RTCB: variants seen among roughly 807,000 people sequenced by gnomAD.
The protein encoded by RTCB is RNA 2',3'-cyclic phosphate and 5'-OH ligase.
A neutral mutation model predicts 58.2 loss-of-function variants in RTCB; 32 were observed. The observed-to-expected ratio is 0.55, with a 90% confidence interval of 0.41 to 0.74. The LOEUF (loss-of-function observed/expected upper bound fraction) is 0.74. Ranked by LOEUF, RTCB falls within the 30% of genes least tolerant of loss-of-function variation. The pLI, the probability that RTCB is intolerant of heterozygous loss-of-function variation, is 0.00. For missense variants in RTCB, 523 were observed against 639.0 expected, an observed-to-expected ratio of 0.82 and a Z score of 1.96; for synonymous variants, 247 against 218.6, an observed-to-expected ratio of 1.13 and a Z score of -1.15.
chr22:32,394,180 C>T (rs577789583), intron 9 of RTCB, among the ~76,000 whole-genome samples, 178 bp from the exon 10 acceptor site: 3 of 149,474 alleles, frequency 2.0e-5, no homozygotes, highest in Admixed American at 6.7e-5. Flanking sequence ...GGCGGGATCT[C>T]GGCTCACTGC....
chr22:32,400,733 A>G (rs1254757696), intron 5 of RTCB, among the ~76,000 whole-genome samples: 2 of 152,242 alleles, frequency 1.3e-5, no homozygotes, highest in African/African-American at 4.8e-5. Context: ...TAACATTACA[A>G]GTAACAGCTA....
chr22:32,390,453 CTT>C (rs1303865991), intron 11 of RTCB, among the ~76,000 whole-genome samples: 12 of 145,316 alleles, frequency 8.3e-5, no homozygotes, highest in Non-Finnish European at 7.6e-5. Context: ...TTTCCAAATC[CTT>C]TTTTTTTTTT....
At chr22:32,393,825 C>G in intron 10 of RTCB, 67 bp downstream of exon 10, 1 of 1,077,450 alleles carries the variant, frequency 9.3e-7, no homozygotes, top group Non-Finnish European at 1.4e-6. Flanking sequence ...CTACATTTAC[C>G]AGTCAAAATG....
At chr22:32,397,891 T>C (rs1933272201) in intron 7 of RTCB, 50 bp downstream of exon 7, 2 of 1,550,736 alleles carry the variant, frequency 1.3e-6, no homozygotes, top group Non-Finnish European at 1.7e-6. Context: ...CTTAAATTTC[T>C]ATCTGGTTGC....
intron 1 of RTCB, among the ~76,000 whole-genome samples, chr22:32,410,806 C>G (rs1933507838): frequency 1.3e-5 from 2 of 151,322 alleles, no homozygotes; most frequent in African/African-American, 4.9e-5. Context: ...GCCAAGATCT[C>G]CCAGGCTCAA....
intron 8 of RTCB, among the ~76,000 whole-genome samples, chr22:32,395,820 G>A (rs542010286): frequency 2.6e-5 from 4 of 152,030 alleles, no homozygotes; most frequent in Admixed American, 2.0e-4. Context: ...TCAGCCTCCC[G>A]AGTAGCTGGG....
intron 5 of RTCB, among the ~76,000 whole-genome samples, chr22:32,401,086 C>T (rs1021512601): frequency 5.6e-5 from 8 of 143,710 alleles, no homozygotes; most frequent in Non-Finnish European, 9.0e-5. Context: ...ATATCACCTA[C>T]TAAGTTTTTT....
Position 32,412,188 on chromosome 22 carries a change from T to C in RTCB, c.-32A>G. On this transcript the variant is annotated 5_prime_UTR_variant, in exon 1 of 12. Coordinates refer to ENST00000216038, the MANE Select transcript of RTCB (RefSeq NM_014306.5). ...GAAAACTGTAGCAAAAACTCCCGGC[T>C]CCGCTTTGAAGAGCCGCTGCCGCGT... The C allele has an allele frequency of 1.3e-6, 2 of 1,551,222 alleles. No homozygotes were observed. Among genetic ancestry groups the C allele is most frequent in the Non-Finnish European group, 1.7e-6 (2 of 1,143,130 alleles).
chr22:32,388,208 G>GTT, intron 11 of RTCB, 109 bp from the exon 12 acceptor site: 2 of 605,794 alleles, frequency 3.3e-6, no homozygotes, highest in East Asian at 3.1e-5. Context: ...AATACAGAGA[G>GTT]TTTTTTTTTG....
At chr22:32,400,236 G>C (rs1196040409) in intron 5 of RTCB, among the ~76,000 whole-genome samples, 1 of 152,106 alleles carries the variant, frequency 6.6e-6, no homozygotes, top group Non-Finnish European at 1.5e-5. Context: ...AATTCCTCAG[G>C]CAACACAGGT....
chr22:32,397,060 T>C (rs1933257293), intron 7 of RTCB, among the ~76,000 whole-genome samples: 1 of 152,180 alleles, frequency 6.6e-6, no homozygotes, highest in Admixed American at 6.5e-5. Flanking sequence ...AGCTGACCAA[T>C]AGTTACCTCC....
At chr22:32,391,637 C>T (rs928717524) in intron 11 of RTCB, among the ~76,000 whole-genome samples, 6 of 152,014 alleles carry the variant, frequency 3.9e-5, no homozygotes, top group African/African-American at 1.5e-4. Flanking sequence ...GTGATCTGCC[C>T]ACCTCGGCCT....
intron 1 of RTCB, among the ~76,000 whole-genome samples, chr22:32,409,161 A>G (rs1933478067): frequency 6.6e-6 from 1 of 151,796 alleles, no homozygotes; most frequent in African/African-American, 2.4e-5. Flanking sequence ...CAAAGGTCTT[A>G]ATCCTCAAGC....
At chr22:32,404,854 T>C (rs973810116) in intron 4 of RTCB, among the ~76,000 whole-genome samples, 9 of 149,248 alleles carry the variant, frequency 6.0e-5, no homozygotes, top group Admixed American at 4.0e-4. Flanking sequence ...TAATTTTTTG[T>C]ATTTTTTTTT....
At chr22:32,408,465 G>C (rs1297613245) in intron 2 of RTCB, among the ~76,000 whole-genome samples, 2 of 152,176 alleles carry the variant, frequency 1.3e-5, no homozygotes, top group African/African-American at 4.8e-5. Context: ...TAACATGCCT[G>C]GAATATAGTA....
chr22:32,394,917 G>A, intron 9 of RTCB, 109 bp downstream of exon 9: 1 of 900,388 alleles, frequency 1.1e-6, no homozygotes, highest in Non-Finnish European at 1.7e-6. Flanking sequence ...ATGAGTGACA[G>A]AGTATTTTCT....
chr22:32,395,812 AG>A (rs1933235806), intron 8 of RTCB, among the ~76,000 whole-genome samples: 1 of 152,042 alleles, frequency 6.6e-6, no homozygotes, highest in Admixed American at 6.6e-5. Flanking sequence ...CTGCTGCCTC[AG>A]CCTCCCGAGT....
chr22:32,400,529 A>C (rs1251592279), intron 5 of RTCB, among the ~76,000 whole-genome samples: 2 of 152,212 alleles, frequency 1.3e-5, no homozygotes, highest in African/African-American at 2.4e-5. Flanking sequence ...CAGTGTGCCC[A>C]GAGTAGACCC....
At chr22:32,401,584 C>A in intron 5 of RTCB, 163 bp downstream of exon 5, 1 of 667,570 alleles carries the variant, frequency 1.5e-6, no homozygotes, top group Non-Finnish European at 2.4e-6. Context: ...CTAATGTCTC[C>A]AATAAATGGG....
Sources: gnomAD v4.1 joint callset for allele counts (sites outside exome capture counted in the v4.1 genomes callset) on GRCh38, gnomAD v4.1.1 for gene constraint, MANE v1.5 for transcripts, NCBI Gene and HGNC (gene_info 2026-07-23, HGNC 2026-07-21) for gene names.